PARD3B: variants seen among roughly 807,000 people sequenced by gnomAD.
PARD3B encodes the protein par-3 family cell polarity regulator beta.
PARD3B carries 103 observed loss-of-function variants against 130.2 expected under a neutral mutation model. The ratio of observed to expected loss-of-function variants is 0.79; its 90% CI spans 0.67 to 0.93. PARD3B has a LOEUF of 0.93. PARD3B is among the 40% of genes least tolerant of loss of function. PARD3B has a pLI of 0.00. For synonymous variants in PARD3B, 583 were observed against 553.2 expected, an observed-to-expected ratio of 1.05 and a Z score of -0.76; for missense variants, 1,609 against 1,499.2, an observed-to-expected ratio of 1.07 and a Z score of -1.21.
At chr2:204,865,725 T>G (rs1343462865) in intron 2 of PARD3B, among the ~76,000 whole-genome samples, 1 of 152,004 alleles carries the variant, frequency 6.6e-6, no homozygotes, top group Non-Finnish European at 1.5e-5. Flanking sequence ...TCTCAGAAAT[T>G]ACCACCAAAG....
chr2:205,263,388 A>G lies in PARD3B; in HGVS notation c.2185+17566A>G, dbSNP rs974112251. Among the ~76,000 whole-genome samples, 1 of 142,074 alleles carries G rather than the reference A, an allele frequency of 7.0e-6. No homozygotes were observed. The highest frequency in any genetic ancestry group is 1.6e-5 in the Non-Finnish European group (1 of 63,118). The allele number at this position is 142,074 out of a possible 152,430, so 93.2% of individuals were successfully genotyped here. Reference sequence around the variant, plus strand: ...ATAACAGTGCAAACAGGAACTATTTACTGAAAGTCCTTACTAAGGAGTTTC... The same window carrying G: ...ATAACAGTGCAAACAGGAACTATTTGCTGAAAGTCCTTACTAAGGAGTTTC... On this transcript the variant is annotated intron_variant, in intron 16 of 22. Coordinates refer to ENST00000406610, the MANE Select transcript of PARD3B (RefSeq NM_001302769.2). The surrounding 1 kb of genome is among the most constrained non-coding windows in gnomAD (Gnocchi z 4.0).
intron 21 of PARD3B, among the ~76,000 whole-genome samples, chr2:205,506,943 C>A (rs1324550189): frequency 6.6e-6 from 1 of 152,164 alleles, no homozygotes; most frequent in Non-Finnish European, 1.5e-5. Flanking sequence ...CCAGACAGGC[C>A]ATTAGGAGTC....
chr2:205,371,496 C>T lies in PARD3B; in HGVS notation c.2631-29517C>T, dbSNP rs74748607. On this transcript the variant is annotated intron_variant, in intron 18 of 22. Transcript: ENST00000406610. ...GTTTATTGACTGGCCACTGTGCTGA[C>T]ATGGAACTAGGAAGTGGGCATCAGA... 3.0e-3 allele frequency among the ~76,000 whole-genome samples: 460 copies of T among 152,264 alleles called. 13 individuals are homozygous for T. The East Asian group carries it at 0.035, about 12-fold the overall frequency.
At chr2:204,819,792 T>TGGAGA (rs2043274262) in intron 2 of PARD3B, among the ~76,000 whole-genome samples, 1 of 152,126 alleles carries the variant, frequency 6.6e-6, no homozygotes, top group Non-Finnish European at 1.5e-5. Context: ...TTGAGTAGTC[T>TGGAGA]AGATAGAAAA....
At chr2:205,174,606 T>A (rs1049814751) in intron 12 of PARD3B, among the ~76,000 whole-genome samples, 4 of 152,292 alleles carry the variant, frequency 2.6e-5, no homozygotes, top group African/African-American at 9.6e-5. Context: ...GCACTTGCCC[T>A]CCAGTACAAT....
At chr2:204,843,339 A>T (rs1333606568) in intron 2 of PARD3B, among the ~76,000 whole-genome samples, 1 of 152,122 alleles carries the variant, frequency 6.6e-6, no homozygotes, top group Non-Finnish European at 1.5e-5. Context: ...TCTATGCTGC[A>T]TAATCATCTG....
At chr2:204,646,238 G>C (rs770738705) in intron 1 of PARD3B, among the ~76,000 whole-genome samples, 8 of 152,056 alleles carry the variant, frequency 5.3e-5, no homozygotes, top group African/African-American at 9.7e-5. Context: ...AAGTTCTCAC[G>C]TGCCACTGCT....
intron 4 of PARD3B, among the ~76,000 whole-genome samples, chr2:205,100,329 G>T (rs1702683221): frequency 6.6e-6 from 1 of 151,944 alleles, no homozygotes; most frequent in South Asian, 2.1e-4. Flanking sequence ...AAACTAAAAA[G>T]AATATTTATT....
At chr2:205,606,240 G>A (rs2054992730) in intron 22 of PARD3B, among the ~76,000 whole-genome samples, 1 of 152,074 alleles carries the variant, frequency 6.6e-6, no homozygotes, top group African/African-American at 2.4e-5. Flanking sequence ...GGGCTCTGAT[G>A]GCATGGGCTC....
intron 3 of PARD3B, among the ~76,000 whole-genome samples, chr2:205,013,232 C>G (rs1262785506): frequency 1.3e-5 from 2 of 152,206 alleles, no homozygotes. Context: ...TTTATTTGCT[C>G]TAATTCAAAT....
At chr2:205,198,369 A>G (rs1018607172) in intron 15 of PARD3B, among the ~76,000 whole-genome samples, 3 of 152,216 alleles carry the variant, frequency 2.0e-5, no homozygotes, top group African/African-American at 7.2e-5. Context: ...AAGATTGTTA[A>G]CATTCCATGT....
intron 21 of PARD3B, 95 bp downstream of exon 21, chr2:205,500,126 T>A: frequency 7.2e-7 from 1 of 1,382,296 alleles, no homozygotes; most frequent in Non-Finnish European, 9.8e-7. Flanking sequence ...ACATACCAGA[T>A]TCTATTTAGG....
chr2:205,594,071 T>G (rs2054485493), intron 22 of PARD3B, among the ~76,000 whole-genome samples: 1 of 152,204 alleles, frequency 6.6e-6, no homozygotes, highest in Non-Finnish European at 1.5e-5. Context: ...CAACGTGAGC[T>G]GAGTTCATCT....
At chr2:204,741,057 A>G (rs1034233314) in intron 2 of PARD3B, among the ~76,000 whole-genome samples, 12 of 152,184 alleles carry the variant, frequency 7.9e-5, no homozygotes, top group Non-Finnish European at 2.9e-5. Flanking sequence ...ATTTCAAAAT[A>G]ATTGGCATCA....
chr2:205,122,676 G>A lies in PARD3B; in HGVS notation c.1165+727G>A, dbSNP rs964575500. Among the ~76,000 whole-genome samples the A allele has an allele frequency of 6.6e-6, 1 of 152,158 alleles. No individual in the cohort carries two copies. Among genetic ancestry groups the A allele is most frequent in the Non-Finnish European group, 1.5e-5 (1 of 67,998 alleles). Reference sequence around the variant, plus strand: ...CTGTGTTTTTCAAGACAACTCAAAAGAAACCAAGATCTTATAGATTCTTGT... The same window carrying A: ...CTGTGTTTTTCAAGACAACTCAAAAAAAACCAAGATCTTATAGATTCTTGT... On this transcript the variant is annotated intron_variant, in intron 8 of 22. Coordinates refer to ENST00000406610, the MANE Select transcript of PARD3B (RefSeq NM_001302769.2). This position sits in a 1 kb window ranked among gnomAD's most constrained non-coding sequence, Gnocchi z 4.3.
rs1242735374 is a variant in PARD3B, at chr2:205,550,009, T to C, written c.3181-3315T>C. On this transcript the variant is annotated intron_variant, in intron 21 of 22. Transcript: ENST00000406610. The surrounding 1 kb of genome is among the most constrained non-coding windows in gnomAD (Gnocchi z 4.5). ...GCAATAGCCACAGTAGGAGCAACAG[T>C]AGTATAGTTGCTAGTTAGTAGTATT... 1.3e-5 allele frequency among the ~76,000 whole-genome samples: 2 copies of C among 152,182 alleles called. No homozygotes were observed. Among genetic ancestry groups the C allele is most frequent in the Admixed American group, 6.5e-5 (1 of 15,274 alleles).
At chr2:204,985,484 T>C (rs1362670363) in intron 3 of PARD3B, among the ~76,000 whole-genome samples, 1 of 152,174 alleles carries the variant, frequency 6.6e-6, no homozygotes, top group East Asian at 1.9e-4. Context: ...TCTAACACTT[T>C]TCTGGAAAAA....
At chr2:204,818,875 A>C (rs1299155680) in intron 2 of PARD3B, among the ~76,000 whole-genome samples, 1 of 152,226 alleles carries the variant, frequency 6.6e-6, no homozygotes, top group Non-Finnish European at 1.5e-5. Context: ...TGGAAGATCA[A>C]ACACTTTTTT....
intron 18 of PARD3B, among the ~76,000 whole-genome samples, chr2:205,378,190 A>G (rs2045144234): frequency 6.6e-6 from 1 of 152,186 alleles, no homozygotes; most frequent in African/African-American, 2.4e-5. Flanking sequence ...CCAAGGGTCC[A>G]CCACCCTCTC....
Sources: gnomAD v4.1 joint callset for allele counts (sites outside exome capture counted in the v4.1 genomes callset) on GRCh38, gnomAD v4.1.1 for gene constraint, Gnocchi (gnomAD v3.1) non-coding constraint, MANE v1.5 for transcripts, NCBI Gene and HGNC (gene_info 2026-07-23, HGNC 2026-07-21) for gene names.